Variants in ATP8A2 observed in about 807,000 individuals in gnomAD.
The protein encoded by ATP8A2 is ATPase phospholipid transporting 8A2, also known as phospholipid-transporting ATPase IB.
Under a neutral mutation model 165.6 loss-of-function variants are expected in ATP8A2, and 100 were observed. The observed-to-expected ratio is 0.60, with a 90% CI of 0.51 to 0.71. ATP8A2 has a LOEUF of 0.71. Ranked by LOEUF, ATP8A2 falls within the 30% of genes least tolerant of loss-of-function variation. The probability of loss-of-function intolerance (pLI) is 0.00; values close to 1 mark genes in which losing one functional copy is unlikely to be tolerated. For synonymous variants in ATP8A2, 543 were observed against 548.8 expected (o/e 0.99, Z 0.15); for missense variants, 1,227 against 1,479.5 (o/e 0.83, Z 2.80).
intron 33 of ATP8A2, chr13:25,863,686 G>A (rs893346657): frequency 8.5e-5 from 13 of 152,176 alleles, no homozygotes; most frequent in Admixed American, 7.9e-4. Flanking sequence ...ACTGTTTCTC[G>A]TGAGATAGCC....
At chr13:25,994,094 C>A (rs572936369) in intron 35 of ATP8A2, among the ~76,000 whole-genome samples, 1 of 152,026 alleles carries the variant, frequency 6.6e-6, no homozygotes. Flanking sequence ...TATTTTTGAA[C>A]GATCCCAAAT....
intron 24 of ATP8A2, among the ~76,000 whole-genome samples, chr13:25,691,280 C>T (rs1017534348): frequency 2.0e-5 from 3 of 152,156 alleles, no homozygotes; most frequent in African/African-American, 7.2e-5. Context: ...GGTTACCTGA[C>T]TCTGTACCTT....
chr13:25,802,521 T>C (rs1233046282), intron 27 of ATP8A2, among the ~76,000 whole-genome samples: 1 of 152,172 alleles, frequency 6.6e-6, no homozygotes, highest in Non-Finnish European at 1.5e-5. Flanking sequence ...TGATACATGT[T>C]CACTGTGCTT....
At chr13:25,687,929 T>C (rs1401184516) in intron 24 of ATP8A2, among the ~76,000 whole-genome samples, 3 of 152,100 alleles carry the variant, frequency 2.0e-5, no homozygotes, top group Non-Finnish European at 4.4e-5. Flanking sequence ...TTTCTATCCA[T>C]ACAAACCTTC....
chr13:25,413,940 G>A (rs1246677548), intron 1 of ATP8A2, among the ~76,000 whole-genome samples: 1 of 151,858 alleles, frequency 6.6e-6, no homozygotes, highest in Non-Finnish European at 1.5e-5. Flanking sequence ...TTCAATAGTT[G>A]GTGGCTCTTT....
chr13:25,573,135 T>C (rs1011417487), intron 18 of ATP8A2, among the ~76,000 whole-genome samples: 1 of 152,166 alleles, frequency 6.6e-6, no homozygotes, highest in African/African-American at 2.4e-5. Context: ...AAATGAGGTC[T>C]TTTTCCCCCC....
intron 25 of ATP8A2, among the ~76,000 whole-genome samples, chr13:25,753,026 G>A (rs901029489): frequency 2.0e-5 from 3 of 152,150 alleles, no homozygotes; most frequent in South Asian, 2.1e-4. Context: ...CACCACCAGC[G>A]CTGGCTGCTG....
At chr13:25,606,453 T>C (rs574586762) in intron 24 of ATP8A2, among the ~76,000 whole-genome samples, 3 of 152,348 alleles carry the variant, frequency 2.0e-5, no homozygotes, top group African/African-American at 7.2e-5. Flanking sequence ...TATTATTTCT[T>C]AGAGATTAGC....
chr13:25,709,774 G>A (rs780209368), intron 25 of ATP8A2, among the ~76,000 whole-genome samples: 3 of 152,032 alleles, frequency 2.0e-5, no homozygotes, highest in Non-Finnish European at 2.9e-5. Context: ...TTATAATCCC[G>A]TGTACCTATA....
rs184332895 is a variant in ATP8A2, at chr13:25,684,632, G to T, written c.2212-14541G>T. On this transcript the variant is annotated intron_variant, in intron 24 of 36. Transcript: ENST00000381655. ...GTAATGTGAACAGTAGGTCGTTCAGGAGTCTCGGATGAATCAATGTTTTCT... is the reference window on the plus strand; with the variant it reads ...GTAATGTGAACAGTAGGTCGTTCAGTAGTCTCGGATGAATCAATGTTTTCT... Among the ~76,000 whole-genome samples, 585 of 152,348 alleles carry T rather than the reference G, an allele frequency of 3.8e-3. 4 individuals carry two copies. The highest frequency in any genetic ancestry group is 0.02 in the Middle Eastern group (6 of 294).
intron 27 of ATP8A2, among the ~76,000 whole-genome samples, 167 bp from the exon 28 acceptor site, chr13:25,827,951 A>G (rs17585718): frequency 0.027 from 4,037 of 152,336 alleles, 67 homozygotes; most frequent in Non-Finnish European, 0.043. Context: ...TTTCTGTGAT[A>G]TCGGGAATCT....
intron 24 of ATP8A2, among the ~76,000 whole-genome samples, chr13:25,657,236 G>C (rs1223970186): frequency 6.6e-6 from 1 of 152,076 alleles, no homozygotes; most frequent in East Asian, 1.9e-4. Flanking sequence ...TGCAAAATAA[G>C]AGGAGGAGCT....
At chr13:25,906,783 AGAGTCCCT>A (rs1326216081) in intron 33 of ATP8A2, among the ~76,000 whole-genome samples, 1 of 152,206 alleles carries the variant, frequency 6.6e-6, no homozygotes, top group Non-Finnish European at 1.5e-5. Flanking sequence ...GCTCAGTGGC[AGAGTCCCT>A]GAGTAAGCCA....
intron 30 of ATP8A2, among the ~76,000 whole-genome samples, chr13:25,847,895 A>G (rs1226224683): frequency 6.6e-6 from 1 of 152,136 alleles, no homozygotes; most frequent in Non-Finnish European, 1.5e-5. Context: ...TCACCCACTG[A>G]GCAGGTGTTC....
At chr13:25,722,781 G>A (rs1332858303) in intron 25 of ATP8A2, among the ~76,000 whole-genome samples, 3 of 152,096 alleles carry the variant, frequency 2.0e-5, no homozygotes, top group South Asian at 2.1e-4. Flanking sequence ...CAAGATCCCT[G>A]TGTACCTAAG....
At chr13:25,415,614 C>T (rs9511790) in intron 1 of ATP8A2, among the ~76,000 whole-genome samples, 37,684 of 152,140 alleles carry the variant, frequency 0.25, 5,760 homozygotes, top group Non-Finnish European at 0.33. Flanking sequence ...TGAGCCCTAA[C>T]TGACATCCTG....
At chr13:25,503,518 A>G (rs2036923669) in intron 2 of ATP8A2, among the ~76,000 whole-genome samples, 1 of 152,148 alleles carries the variant, frequency 6.6e-6, no homozygotes, top group Non-Finnish European at 1.5e-5. Context: ...GGAGGATCCA[A>G]ATCCACAAGA....
At chr13:26,013,542 C>G (rs545856087) in intron 36 of ATP8A2, among the ~76,000 whole-genome samples, 2 of 152,246 alleles carry the variant, frequency 1.3e-5, no homozygotes, top group South Asian at 4.1e-4. Flanking sequence ...GGCGTGACGG[C>G]ACATGCCTGT....
At chr13:25,901,480 AT>A (rs1953745364) in intron 33 of ATP8A2, among the ~76,000 whole-genome samples, 1 of 151,010 alleles carries the variant, frequency 6.6e-6, no homozygotes, top group South Asian at 2.1e-4. Context: ...TAAATTTTAT[AT>A]GAATTCATAT....
Sources: allele counts gnomAD v4.1 joint callset (sites outside exome capture counted in the v4.1 genomes callset), GRCh38; gene constraint gnomAD v4.1.1; transcripts MANE v1.5; gene names NCBI Gene and HGNC (gene_info 2026-07-23, HGNC 2026-07-21).